Variants in CHN2 observed in about 807,000 individuals in gnomAD.
CHN2 encodes beta-chimaerin.
In CHN2, 35 loss-of-function variants were observed where a neutral mutation model predicts 56.3. The ratio of observed to expected loss-of-function variants is 0.62; its 90% CI spans 0.47 to 0.82. The LOEUF is 0.82. Ranked by LOEUF, CHN2 falls within the 40% of genes least tolerant of loss-of-function variation. CHN2 has a pLI of 0.00. For missense variants in CHN2, 491 were observed against 580.5 expected (o/e 0.85, Z 1.58); for synonymous variants, 210 against 212.8 (o/e 0.99, Z 0.12).
chr7:29,458,377 G>GCACA (rs58364010), intron 6 of CHN2, among the ~76,000 whole-genome samples: 37 of 135,994 alleles, frequency 2.7e-4, no homozygotes, highest in African/African-American at 3.5e-4. Flanking sequence ...GCATAGCTGT[G>GCACA]CACACACACA....
At chr7:29,239,953 T>TG (rs747976993) in intron 1 of CHN2, among the ~76,000 whole-genome samples, 149 of 152,326 alleles carry the variant, frequency 9.8e-4, no homozygotes, top group Admixed American at 2.0e-3. Context: ...ATGCATAATC[T>TG]GCTAATTTTT....
chr7:29,440,766 A>G (rs546651783), intron 6 of CHN2, among the ~76,000 whole-genome samples: 1 of 152,098 alleles, frequency 6.6e-6, no homozygotes, highest in South Asian at 2.1e-4. Flanking sequence ...AGGACTGCTA[A>G]TCTGCTTTCA....
Position 29,464,348 on chromosome 7 carries a change from A to G in CHN2, c.577-15931A>G, listed in dbSNP as rs956421236. ...AGTGACATGCCTGTAATCCTCCAAG[A>G]AAGTGATATATGTTGACTTTTTGAA... On this transcript the variant is annotated intron_variant, in intron 6 of 12. Coordinates refer to ENST00000222792, the MANE Select transcript of CHN2 (RefSeq NM_004067.4). Among the ~76,000 whole-genome samples, 7 of 152,294 alleles carry G rather than the reference A, an allele frequency of 4.6e-5. 1 individual carries two copies. Among genetic ancestry groups the G allele is most frequent in the Admixed American group, 1.3e-4 (2 of 15,302 alleles).
intron 6 of CHN2, among the ~76,000 whole-genome samples, chr7:29,427,656 C>CTTT (rs754677450): frequency 2.7e-4 from 32 of 120,344 alleles, no homozygotes; most frequent in African/African-American, 3.2e-4. Flanking sequence ...ATTTTTTATT[C>CTTT]TTTTTTTTTT....
chr7:29,357,171 G>T (rs752851162), intron 2 of CHN2, among the ~76,000 whole-genome samples: 2 of 152,076 alleles, frequency 1.3e-5, no homozygotes, highest in Non-Finnish European at 2.9e-5. Context: ...TTTGATTTTT[G>T]GATCTAACCA....
intron 2 of CHN2, among the ~76,000 whole-genome samples, chr7:29,153,987 C>T (rs1258619699): frequency 2.0e-5 from 3 of 152,178 alleles, no homozygotes; most frequent in Non-Finnish European, 4.4e-5. Context: ...AATAAGGCTT[C>T]TGGTCAACAG....
intron 7 of CHN2, among the ~76,000 whole-genome samples, chr7:29,491,356 T>G (rs148654425): frequency 6.6e-6 from 1 of 152,266 alleles, no homozygotes; most frequent in African/African-American, 2.4e-5. Context: ...TTTTTCTCCT[T>G]CCCTGCTTTT....
chr7:29,323,211 T>A (rs1360751734), intron 1 of CHN2, among the ~76,000 whole-genome samples: 1 of 148,764 alleles, frequency 6.7e-6, no homozygotes. Context: ...CTGGTTCTCT[T>A]TCTCTGCAGC....
chr7:29,490,912 A>G (rs1788594130), intron 7 of CHN2, among the ~76,000 whole-genome samples: 1 of 152,208 alleles, frequency 6.6e-6, no homozygotes, highest in African/African-American at 2.4e-5. Context: ...GCTGGATATG[A>G]GATCCCTTTC....
chr7:29,418,419 A>G (rs1162472842), intron 6 of CHN2, among the ~76,000 whole-genome samples: 1 of 152,220 alleles, frequency 6.6e-6, no homozygotes, highest in East Asian at 1.9e-4. Flanking sequence ...AGAAATTACT[A>G]TTTGACTGGG....
intron 6 of CHN2, among the ~76,000 whole-genome samples, chr7:29,434,814 C>T (rs1314018573): frequency 1.3e-5 from 2 of 152,122 alleles, no homozygotes; most frequent in Non-Finnish European, 2.9e-5. Context: ...ATTAACAGGC[C>T]AGCACAGTGT....
chr7:29,409,423 A>G (rs1255966230), intron 6 of CHN2, among the ~76,000 whole-genome samples: 1 of 152,138 alleles, frequency 6.6e-6, no homozygotes, highest in Non-Finnish European at 1.5e-5. Context: ...GAAAAATAAC[A>G]CTGTTTTCCA....
chr7:29,214,028 G>A (rs1021379942), intron 1 of CHN2, among the ~76,000 whole-genome samples: 2 of 152,190 alleles, frequency 1.3e-5, no homozygotes, highest in Non-Finnish European at 2.9e-5. Flanking sequence ...AAATGAAGCC[G>A]TGGTCATGCT....
chr7:29,488,870 C>T (rs1788342260), intron 7 of CHN2, among the ~76,000 whole-genome samples: 1 of 152,164 alleles, frequency 6.6e-6, no homozygotes, highest in Admixed American at 6.5e-5. Context: ...ATCAGTAGTG[C>T]CGAGGCTAAG....
At chr7:29,210,853 G>A (rs1231378507) in intron 1 of CHN2, among the ~76,000 whole-genome samples, 1 of 152,098 alleles carries the variant, frequency 6.6e-6, no homozygotes, top group East Asian at 1.9e-4. Flanking sequence ...CAGCTGCAGA[G>A]TCCCAATGCG....
intron 1 of CHN2, among the ~76,000 whole-genome samples, chr7:29,251,739 T>C (rs1788536924): frequency 6.6e-6 from 1 of 152,198 alleles, no homozygotes. Context: ...GAGAAATATG[T>C]CAGTACATGA....
At chr7:29,299,942 C>T (rs1025258080) in intron 1 of CHN2, among the ~76,000 whole-genome samples, 1 of 152,046 alleles carries the variant, frequency 6.6e-6, no homozygotes, top group Non-Finnish European at 1.5e-5. Context: ...AAATGGGATT[C>T]CAAACAGAGA....
chr7:29,397,806 A>G (rs1801876168), intron 4 of CHN2: 1 of 152,378 alleles, frequency 6.6e-6, no homozygotes, highest in South Asian at 2.1e-4. Flanking sequence ...ATTTATCTTT[A>G]AAAAAGAAAA....
chr7:29,230,604 G>A (rs1000303081), intron 1 of CHN2, among the ~76,000 whole-genome samples: 1 of 152,202 alleles, frequency 6.6e-6, no homozygotes, highest in African/African-American at 2.4e-5. Flanking sequence ...GCCTCTCAAA[G>A]TGCTGGGATT....
Sources: gnomAD v4.1 joint callset for allele counts (sites outside exome capture counted in the v4.1 genomes callset) on GRCh38, gnomAD v4.1.1 for gene constraint, MANE v1.5 for transcripts, NCBI Gene and HGNC (gene_info 2026-07-23, HGNC 2026-07-21) for gene names.